The following LRRC69 variants were observed in gnomAD, a reference collection of about 807,000 sequenced individuals.
LRRC69 encodes the protein leucine rich repeat containing 69.
A neutral mutation model predicts 37.8 loss-of-function variants in LRRC69; 42 were observed. The observed-to-expected ratio is 1.11, with a 90% CI of 0.87 to 1.44. LRRC69 has a LOEUF of 1.44. Ranked by LOEUF, LRRC69 falls within the 40% of genes most tolerant of loss-of-function variation. The pLI is 0.00. For missense variants in LRRC69, 357 were observed against 401.9 expected, an observed-to-expected ratio of 0.89 and a Z score of 0.96; for synonymous variants, 141 against 143.1, an observed-to-expected ratio of 0.99 and a Z score of 0.11.
At chr8:91,204,641 G>A (rs565667948) in intron 7 of LRRC69, among the ~76,000 whole-genome samples, 2 of 152,200 alleles carry the variant, frequency 1.3e-5, no homozygotes, top group African/African-American at 4.8e-5. Flanking sequence ...TAGGCCTTTC[G>A]CCTTTCACAG....
chr8:91,190,687 T>C (rs942851520), intron 6 of LRRC69, among the ~76,000 whole-genome samples: 2 of 152,150 alleles, frequency 1.3e-5, no homozygotes, highest in African/African-American at 2.4e-5. Flanking sequence ...GATGATATCA[T>C]AATATTTTTA....
intron 5 of LRRC69, among the ~76,000 whole-genome samples, chr8:91,185,652 A>C (rs1000516968): frequency 2.0e-5 from 3 of 152,208 alleles, no homozygotes; most frequent in Non-Finnish European, 4.4e-5. Flanking sequence ...CAAATTTATC[A>C]TACAGTTTCT....
chr8:91,150,730 T>C (rs914415759), intron 5 of LRRC69, among the ~76,000 whole-genome samples: 33 of 151,950 alleles, frequency 2.2e-4, no homozygotes, highest in Non-Finnish European at 4.1e-4. Context: ...TTTTTTTGGT[T>C]GGTAAGCTAT....
chr8:91,116,081 A>G (rs920156439), intron 1 of LRRC69, among the ~76,000 whole-genome samples: 1 of 152,070 alleles, frequency 6.6e-6, no homozygotes, highest in African/African-American at 2.4e-5. Context: ...AATTAAGAAA[A>G]TAAGCAGGTT....
At chr8:91,200,658 C>A in exon 7 of LRRC69, 1 of 1,471,096 alleles carries the variant, frequency 6.8e-7, no homozygotes, top group Non-Finnish European at 9.0e-7. Context: ...AGAAAATAAC[C>A]CTTTCCTAAT....
intron 6 of LRRC69, among the ~76,000 whole-genome samples, chr8:91,192,675 C>T (rs1180616253): frequency 5.9e-5 from 9 of 152,172 alleles, no homozygotes; most frequent in African/African-American, 1.2e-4. Context: ...TGTCCTTTGC[C>T]GAATTTTTGA....
At chr8:91,130,650 C>T (rs1007895222) in intron 3 of LRRC69, 4 of 151,964 alleles carry the variant, frequency 2.6e-5, no homozygotes, top group African/African-American at 9.7e-5. Context: ...TATTGATGTA[C>T]ATTTGGGTTA....
intron 5 of LRRC69, among the ~76,000 whole-genome samples, chr8:91,149,268 G>A (rs1236171085): frequency 1.3e-5 from 2 of 151,982 alleles, no homozygotes; most frequent in Non-Finnish European, 2.9e-5. Flanking sequence ...TGTATAAGGT[G>A]TAAGGAAGGG....
At chr8:91,159,870 C>T (rs1367046326) in intron 5 of LRRC69, among the ~76,000 whole-genome samples, 1 of 148,164 alleles carries the variant, frequency 6.7e-6, no homozygotes, top group South Asian at 2.1e-4. Flanking sequence ...AAAATGTTTC[C>T]TTAGAGTGTT....
chr8:91,157,949 C>T (rs897196632), intron 5 of LRRC69: 27 of 1,443,952 alleles, frequency 1.9e-5, no homozygotes, highest in Admixed American at 1.2e-4. Flanking sequence ...TTGCACGTTC[C>T]GTATTCCAGT....
chr8:91,186,639 G>A (rs1187863711), intron 5 of LRRC69, among the ~76,000 whole-genome samples: 2 of 152,174 alleles, frequency 1.3e-5, no homozygotes, highest in African/African-American at 4.8e-5. Flanking sequence ...TTCTAAGCAA[G>A]GTTGTTATAT....
chr8:91,109,071 C>G (rs140419483), intron 1 of LRRC69, among the ~76,000 whole-genome samples: 1 of 152,168 alleles, frequency 6.6e-6, no homozygotes, highest in Non-Finnish European at 1.5e-5. Flanking sequence ...CCTCCTATTT[C>G]CTAAGCCTGG....
At chr8:91,153,150 TCAA>T (rs960369232) in intron 5 of LRRC69, among the ~76,000 whole-genome samples, 14 of 150,932 alleles carry the variant, frequency 9.3e-5, no homozygotes, top group African/African-American at 3.4e-4. Context: ...GGTAAAGGGA[TCAA>T]CAAGAAGAGC....
chr8:91,149,671 T>G (rs1350577338), intron 5 of LRRC69, among the ~76,000 whole-genome samples: 1 of 151,944 alleles, frequency 6.6e-6, no homozygotes, highest in Non-Finnish European at 1.5e-5. Context: ...TAAATTACCT[T>G]GGGCAGTATG....
At chr8:91,136,613 C>T (rs1162119042) in intron 5 of LRRC69, among the ~76,000 whole-genome samples, 1 of 151,986 alleles carries the variant, frequency 6.6e-6, no homozygotes, top group African/African-American at 2.4e-5. Context: ...TCTCTAGAAC[C>T]TGTTCATCTT....
chr8:91,201,408 G>A (rs1298442655), intron 7 of LRRC69, among the ~76,000 whole-genome samples: 1 of 152,116 alleles, frequency 6.6e-6, no homozygotes, highest in African/African-American at 2.4e-5. Context: ...CATGAATGCA[G>A]CTCTAGATAA....
intron 5 of LRRC69, among the ~76,000 whole-genome samples, chr8:91,173,949 A>G (rs536934137): frequency 7.0e-6 from 1 of 142,730 alleles, no homozygotes; most frequent in Non-Finnish European, 1.5e-5. Flanking sequence ...AAAAGAAGAA[A>G]AAACAAAAGC....
At chr8:91,136,570 T>C (rs1808422613) in intron 5 of LRRC69, among the ~76,000 whole-genome samples, 1 of 151,998 alleles carries the variant, frequency 6.6e-6, no homozygotes, top group Non-Finnish European at 1.5e-5. Context: ...ACTAAGTACT[T>C]TCACATTGTT....
In LRRC69 at chr8:91,157,869, C is replaced by G. The variant is rs536817712; in HGVS notation, c.651+22130C>G. 6.2e-6 allele frequency: 10 copies of G among 1,600,832 alleles called. No homozygotes were observed. In the African/African-American group the frequency reaches 1.2e-4, roughly 19 times the overall value. On this transcript the variant is annotated intron_variant, in intron 5 of 7. Transcript: ENST00000448384. ...TTACAAGAGCAGAATGTTTCAAATGCATTTTTAGATAAGGGAGAGTTTTAC... is the reference window on the plus strand; with the variant it reads ...TTACAAGAGCAGAATGTTTCAAATGGATTTTTAGATAAGGGAGAGTTTTAC...
Sources: allele counts gnomAD v4.1 joint callset (sites outside exome capture counted in the v4.1 genomes callset), GRCh38; gene constraint gnomAD v4.1.1; transcripts MANE v1.5; gene names NCBI Gene and HGNC (gene_info 2026-07-23, HGNC 2026-07-21).